Variants in TIMD4 observed in about 807,000 individuals in gnomAD.
The protein encoded by TIMD4 is T-cell immunoglobulin and mucin domain-containing protein 4.
Under a neutral mutation model 41.2 loss-of-function variants are expected in TIMD4, and 31 were observed. The observed-to-expected ratio is 0.75, with a 90% confidence interval of 0.57 to 1.01. TIMD4 has a LOEUF of 1.01. TIMD4 is among the 50% of genes least tolerant of loss of function. The pLI, the probability that TIMD4 is intolerant of heterozygous loss-of-function variation, is 0.00. For missense variants in TIMD4, 479 were observed against 472.5 expected, an observed-to-expected ratio of 1.01 and a Z score of -0.13; for synonymous variants, 204 against 177.1, an observed-to-expected ratio of 1.15 and a Z score of -1.21.
chr5:156,935,733 A>C (rs1379881658), intron 5 of TIMD4: 2 of 152,280 alleles, frequency 1.3e-5, no homozygotes, highest in Non-Finnish European at 1.5e-5. Context: ...CACTAGCAAC[A>C]AAATCTCATC....
intron 5 of TIMD4, among the ~76,000 whole-genome samples, chr5:156,929,295 C>A (rs184485550): frequency 2.8e-4 from 42 of 152,250 alleles, no homozygotes; most frequent in Admixed American, 2.5e-3. Flanking sequence ...GAGACAAAGG[C>A]AGGAGCCTCC....
At chr5:156,951,914 TA>T in intron 2 of TIMD4, 124 bp from the exon 3 acceptor site, 2 of 1,296,254 alleles carry the variant, frequency 1.5e-6, no homozygotes, top group Non-Finnish European at 2.2e-6. Flanking sequence ...TGGACGATTG[TA>T]ATGCCCAATA....
intron 5 of TIMD4, among the ~76,000 whole-genome samples, chr5:156,927,170 T>C (rs1201052455): frequency 2.0e-5 from 3 of 152,220 alleles, no homozygotes; most frequent in Non-Finnish European, 2.9e-5. Flanking sequence ...AAAGTTTTAT[T>C]AGAATAAAGT....
At chr5:156,924,255 C>A in intron 6 of TIMD4, 1 of 383,220 alleles carries the variant, frequency 2.6e-6, no homozygotes, top group South Asian at 2.2e-5. Flanking sequence ...ACTAAGTTCT[C>A]GAGGGCTAAT....
rs3068101 is a variant in TIMD4, at chr5:156,957,512, C to CAAAAAAAAAAAA, written c.59-2768_59-2757dup. 7.9e-5 allele frequency among the ~76,000 whole-genome samples: 9 copies of CAAAAAAAAAAAA among 113,826 alleles called. 1 individual carries two copies. Among genetic ancestry groups the CAAAAAAAAAAAA allele is most frequent in the South Asian group, 6.2e-4 (2 of 3,224 alleles). 74.7% of individuals were successfully genotyped at this position (113,826 alleles called of 152,430 possible). ...TGGGTGACAGAGCGAGAGTCTATCT[C>CAAAAAAAAAAAA]AAAAAAAAAAAAGAAAAAAGAAAAA... On this transcript the variant is annotated intron_variant, in intron 1 of 8. Transcript: ENST00000274532.
intron 1 of TIMD4, among the ~76,000 whole-genome samples, chr5:156,958,258 G>A (rs1760011517): frequency 6.6e-6 from 1 of 151,068 alleles, no homozygotes; most frequent in Non-Finnish European, 1.5e-5. Flanking sequence ...GGCAGGGTGA[G>A]GGAGGACAGG....
chr5:156,951,741 T>C lies in TIMD4; in HGVS notation c.450A>G (p.Thr150=). 1.9e-6 allele frequency: 3 copies of C among 1,614,076 alleles called. No homozygotes were observed. Among genetic ancestry groups the C allele is most frequent in the Non-Finnish European group, 2.5e-6 (3 of 1,180,008 alleles). Residue 150 remains threonine, a synonymous_variant, in exon 3 of 9, where the codon ACA becomes ACG. Coordinates refer to ENST00000274532, the MANE Select transcript of TIMD4 (RefSeq NM_138379.3). ...GTCGGGTGGTGGTGGGGCTTGTTGT[T>C]GTTGTTCTGCGTGTGGTGGTGGTTG... ...RTATTTTRRT[T]TTSPTTTRQM... is the part of the protein sequence containing the mutation.
intron 5 of TIMD4, among the ~76,000 whole-genome samples, chr5:156,944,678 G>A (rs1759707696): frequency 1.3e-5 from 2 of 151,768 alleles, no homozygotes; most frequent in South Asian, 2.1e-4. Flanking sequence ...CTAATTTTTT[G>A]TATTTTTTAG....
chr5:156,936,153 C>T (rs13176285), intron 5 of TIMD4, among the ~76,000 whole-genome samples: 42,818 of 151,942 alleles, frequency 0.28, 6,269 homozygotes, highest in Admixed American at 0.35. Context: ...GCAGGAGGAT[C>T]GCTTGAGCCC....
chr5:156,956,022 C>T (rs1249834531), intron 1 of TIMD4, among the ~76,000 whole-genome samples: 2 of 152,146 alleles, frequency 1.3e-5, no homozygotes, highest in African/African-American at 4.8e-5. Flanking sequence ...ATATACAACA[C>T]ATGATTAATT....
chr5:156,960,759 G>A (rs113633935), intron 1 of TIMD4, among the ~76,000 whole-genome samples: 2 of 152,300 alleles, frequency 1.3e-5, no homozygotes, highest in African/African-American at 4.8e-5. Flanking sequence ...ACTAGGTGCT[G>A]GAATATAACA....
chr5:156,949,452 CCTT>C (rs1339965970), intron 4 of TIMD4, among the ~76,000 whole-genome samples, 196 bp downstream of exon 4: 5 of 141,082 alleles, frequency 3.5e-5, no homozygotes, highest in East Asian at 4.4e-4. Flanking sequence ...TCCTCCTCCT[CCTT>C]CTCTCTCTCT....
At chr5:156,934,532 T>A (rs754770121) in intron 5 of TIMD4, among the ~76,000 whole-genome samples, 9 of 152,164 alleles carry the variant, frequency 5.9e-5, no homozygotes, top group Non-Finnish European at 1.3e-4. Context: ...GCTCAAGTGA[T>A]CCTCCCAAGT....
Position 156,951,718 on chromosome 5 carries a change from C to T in TIMD4, c.473G>A (p.Arg158Gln), listed in dbSNP as rs199980573. 4.1e-4 allele frequency: 661 copies of T among 1,613,870 alleles called. 1 individual carries two copies. Among genetic ancestry groups the T allele is most frequent in the Non-Finnish European group, 4.9e-4 (577 of 1,180,000 alleles). The change falls in exon 3 of 9, where the codon CGA becomes CAA. Residue 158 changes from arginine to glutamine, a missense_variant. Coordinates refer to ENST00000274532, the MANE Select transcript of TIMD4 (RefSeq NM_138379.3). ...RTTTTSPTTT[R>Q]QMTTTPAALP... ...TGCAGCTGGGGTTGTTGTCATTTGT[C>T]GGGTGGTGGTGGGGCTTGTTGTTGT...
chr5:156,935,916 C>A (rs1759532809), intron 5 of TIMD4, among the ~76,000 whole-genome samples: 2 of 152,228 alleles, frequency 1.3e-5, no homozygotes, highest in Non-Finnish European at 2.9e-5. Context: ...ATGTCTAGCA[C>A]TGGGCTTTGC....
chr5:156,960,200 T>C (rs1043383114), intron 1 of TIMD4, among the ~76,000 whole-genome samples: 1 of 152,000 alleles, frequency 6.6e-6, no homozygotes. Context: ...TAGCAGGACA[T>C]GTAGACATAG....
chr5:156,922,635 T>G (rs1231500672), intron 6 of TIMD4, among the ~76,000 whole-genome samples: 1 of 152,232 alleles, frequency 6.6e-6, no homozygotes, highest in Non-Finnish European at 1.5e-5. Context: ...AAAGTCTAGA[T>G]GGGGGGCCCA....
intron 7 of TIMD4, 44 bp from the exon 8 acceptor site, chr5:156,920,547 A>G (rs759576734): frequency 6.2e-7 from 1 of 1,604,334 alleles, no homozygotes; most frequent in Non-Finnish European, 8.5e-7. Context: ...GCTGCGGTGC[A>G]TAGAACATGC....
chr5:156,923,033 C>A (rs1759277665), intron 6 of TIMD4, among the ~76,000 whole-genome samples: 1 of 151,780 alleles, frequency 6.6e-6, no homozygotes, highest in Non-Finnish European at 1.5e-5. Context: ...ACATGTACCC[C>A]TGAACCTAAA....
Sources: allele counts gnomAD v4.1 joint callset (sites outside exome capture counted in the v4.1 genomes callset), GRCh38; gene constraint gnomAD v4.1.1; transcripts MANE v1.5; gene names NCBI Gene and HGNC (gene_info 2026-07-23, HGNC 2026-07-21).